Variants in ALG8 observed in about 807,000 individuals in gnomAD.
ALG8 encodes the protein dolichyl pyrophosphate Glc1Man9GlcNAc2 alpha-1,3-glucosyltransferase.
A neutral mutation model predicts 70.2 loss-of-function variants in ALG8; 48 were observed. The ratio of observed to expected loss-of-function variants is 0.68; its 90% CI spans 0.54 to 0.87. The LOEUF is 0.87. ALG8 is among the 40% of genes least tolerant of loss of function. The pLI, the probability that ALG8 is intolerant of heterozygous loss-of-function variation, is 0.00. For missense variants in ALG8, 572 were observed against 608.7 expected, an observed-to-expected ratio of 0.94 and a Z score of 0.64; for synonymous variants, 234 against 229.0, an observed-to-expected ratio of 1.02 and a Z score of -0.20.
At chr11:78,130,220 G>T (rs984561484) in intron 1 of ALG8, among the ~76,000 whole-genome samples, 1 of 151,758 alleles carries the variant, frequency 6.6e-6, no homozygotes. Context: ...ATGGCGGCAC[G>T]CCCCTGTAGT....
Position 78,114,254 on chromosome 11 carries a change from A to G in ALG8, c.673+12T>C. ...AATCGAAAATGTTTTTGCTATTATT[A>G]CCAAAACTTGCCTGGTTTATTTGCA... On this transcript the variant is annotated intron_variant, in intron 6 of 12. Transcript: ENST00000299626. 1 of 1,614,008 alleles carries G rather than the reference A, an allele frequency of 6.2e-7. No homozygotes were observed. The highest frequency in any genetic ancestry group is 8.5e-7 in the Non-Finnish European group (1 of 1,179,994).
chr11:78,116,086 G>A (rs1174943552), intron 5 of ALG8, among the ~76,000 whole-genome samples: 5 of 152,106 alleles, frequency 3.3e-5, no homozygotes, highest in African/African-American at 7.2e-5. Flanking sequence ...AAGGCCAGGC[G>A]TGGTGGCTCA....
intron 4 of ALG8, among the ~76,000 whole-genome samples, chr11:78,120,271 G>C (rs1313263024): frequency 6.6e-6 from 1 of 152,082 alleles, no homozygotes; most frequent in Non-Finnish European, 1.5e-5. Context: ...CGCAGCTCAG[G>C]GGCAAGAAGT....
chr11:78,107,097 C>G, intron 9 of ALG8, 151 bp from the exon 10 acceptor site: 1 of 1,031,026 alleles, frequency 9.7e-7, no homozygotes, highest in Non-Finnish European at 1.4e-6. Flanking sequence ...ACTTTGTGCA[C>G]AGTCTAACAA....
At chr11:78,127,793 G>T (rs1217627968) in intron 1 of ALG8, among the ~76,000 whole-genome samples, 1 of 146,422 alleles carries the variant, frequency 6.8e-6, no homozygotes, top group African/African-American at 2.6e-5. Flanking sequence ...CACTGCAACT[G>T]CCGCCCCCCG....
In ALG8 at chr11:78,101,001, A is replaced by G. The variant is rs770840967; in HGVS notation, c.1544T>C (p.Leu515Ser). 1 of 1,614,226 alleles carries G rather than the reference A, an allele frequency of 6.2e-7. No homozygotes were observed. The highest frequency in any genetic ancestry group is 2.2e-5 in the East Asian group (1 of 44,890). ...TGTCTTGCCAATAGCAGAGTCAATC[A>G]ATACTGAAACATACAGTTTGAACCA... ...YAWFKLYVSV[L>S]IDSAIGKTKK... Residue 515 changes from leucine to serine, a missense_variant, in exon 13 of 13, where the codon TTG becomes TCG. By Grantham distance (145) the Leu-to-Ser change is moderately radical. Coordinates refer to ENST00000299626, the MANE Select transcript of ALG8 (RefSeq NM_024079.5).
At chr11:78,119,453 G>T (rs1336125131) in intron 4 of ALG8, among the ~76,000 whole-genome samples, 1 of 139,614 alleles carries the variant, frequency 7.2e-6, no homozygotes, top group South Asian at 2.2e-4. Context: ...TTTTGAGATG[G>T]AGTCTCACTC....
At chr11:78,114,625 CAA>C (rs1193221937) in intron 5 of ALG8, 3 of 557,016 alleles carry the variant, frequency 5.4e-6, no homozygotes, top group Non-Finnish European at 9.7e-6. Context: ...ACTATTTCTA[CAA>C]CTTTTCTGGA....
At chr11:78,102,592 T>G (rs1437157411) in intron 12 of ALG8, among the ~76,000 whole-genome samples, 2 of 152,204 alleles carry the variant, frequency 1.3e-5, no homozygotes, top group Admixed American at 6.5e-5. Context: ...TGGCTATAAC[T>G]GCATTTTAAC....
At chr11:78,103,941 C>T (rs1859908206) in intron 12 of ALG8, 39 bp downstream of exon 12, 4 of 1,172,850 alleles carry the variant, frequency 3.4e-6, no homozygotes, top group Non-Finnish European at 5.0e-6. Flanking sequence ...GTAAACATTT[C>T]ACAAGAGTAA....
chr11:78,121,864 T>G (rs919916643), intron 3 of ALG8, among the ~76,000 whole-genome samples: 4 of 152,224 alleles, frequency 2.6e-5, no homozygotes, highest in African/African-American at 4.8e-5. Context: ...TAAAAACCTT[T>G]ATGTAAAAAT....
At chr11:78,121,555 GAAAAAAA>G (rs372128580) in intron 3 of ALG8, among the ~76,000 whole-genome samples, 1 of 99,928 alleles carries the variant, frequency 1.0e-5, no homozygotes, top group African/African-American at 3.5e-5. Context: ...CTTCTCACTA[GAAAAAAA>G]AAAAAAAAGA....
chr11:78,107,177 AATAAATATATTTTATATGTAAATAT>A (rs1860071861), intron 9 of ALG8, among the ~76,000 whole-genome samples: 1 of 141,054 alleles, frequency 7.1e-6, no homozygotes, highest in East Asian at 2.0e-4. Flanking sequence ...TTTATATGTA[AATAAATATATTTTATATGTAAATAT>A]ATATATATAT....
intron 2 of ALG8, among the ~76,000 whole-genome samples, chr11:78,126,930 TGAGAA>T (rs1308671082): frequency 1.3e-5 from 2 of 152,172 alleles, no homozygotes; most frequent in Non-Finnish European, 2.9e-5. Context: ...AGGACAGAAC[TGAGAA>T]GAGACCACAA....
At chr11:78,139,374 A>G in intron 1 of ALG8, 120 bp downstream of exon 1, 1 of 1,004,878 alleles carries the variant, frequency 1.0e-6, no homozygotes, top group South Asian at 1.4e-5. Context: ...CAAAGGCAGG[A>G]TAGCGACAAA....
At chr11:78,101,390 A>T (rs576677470) in intron 12 of ALG8, among the ~76,000 whole-genome samples, 195 bp from the exon 13 acceptor site, 2 of 152,294 alleles carry the variant, frequency 1.3e-5, no homozygotes, top group East Asian at 3.9e-4. Context: ...GCACTTTGGG[A>T]GGCCAAGGCA....
In ALG8 at chr11:78,124,155, C is replaced by G. The variant is rs1327064180; in HGVS notation, c.234G>C (p.Leu78=). The change falls in exon 3 of 13, where the codon CTG becomes CTC. Residue 78 remains leucine, a synonymous_variant. Transcript: ENST00000299626. ...PPFFAWFEYI[L]SHVAKYFDQE... ...GATCAAAATATTTGGCAACATGTGA[C>G]AGGATATACTCAAACCATGCAAAGA... 6.2e-7 allele frequency: 1 copy of G among 1,614,024 alleles called. No individual in the cohort carries two copies. Among genetic ancestry groups the G allele is most frequent in the Admixed American group, 1.7e-5 (1 of 59,984 alleles).
intron 3 of ALG8, among the ~76,000 whole-genome samples, 155 bp downstream of exon 3, chr11:78,123,866 A>C (rs1328598888): frequency 6.6e-6 from 1 of 152,204 alleles, no homozygotes; most frequent in African/African-American, 2.4e-5. Flanking sequence ...GAGTGCTTTA[A>C]ACATGTAGTT....
At chr11:78,122,708 T>C (rs1247742860) in intron 3 of ALG8, among the ~76,000 whole-genome samples, 1 of 152,132 alleles carries the variant, frequency 6.6e-6, no homozygotes, top group Non-Finnish European at 1.5e-5. Context: ...TCCTCTCCCT[T>C]TGTGCTTGTA....
Sources: allele counts gnomAD v4.1 joint callset (sites outside exome capture counted in the v4.1 genomes callset), GRCh38; gene constraint gnomAD v4.1.1; transcripts MANE v1.5; gene names NCBI Gene and HGNC (gene_info 2026-07-23, HGNC 2026-07-21).